TYW1: variants seen among roughly 807,000 people sequenced by gnomAD.
TYW1 encodes S-adenosyl-L-methionine-dependent tRNA 4-demethylwyosine synthase TYW1.
TYW1 carries 46 observed loss-of-function variants against 96.2 expected under a neutral mutation model. The ratio of observed to expected loss-of-function variants is 0.48; its 90% CI spans 0.38 to 0.61. The LOEUF is 0.61. Ranked by LOEUF, TYW1 falls within the 20% of genes least tolerant of loss-of-function variation. TYW1 has a pLI of 0.00. For synonymous variants in TYW1, 274 were observed against 323.0 expected, an observed-to-expected ratio of 0.85 and a Z score of 1.63; for missense variants, 684 against 909.6, an observed-to-expected ratio of 0.75 and a Z score of 3.19.
chr7:67,196,886 C>G (rs894683057), intron 15 of TYW1, among the ~76,000 whole-genome samples: 4 of 151,998 alleles, frequency 2.6e-5, no homozygotes, highest in African/African-American at 9.7e-5. Flanking sequence ...TTCTGGACAC[C>G]AGGGTGTGCA....
chr7:67,086,440 A>G (rs923625211), intron 11 of TYW1, among the ~76,000 whole-genome samples: 6 of 152,052 alleles, frequency 3.9e-5, no homozygotes, highest in South Asian at 2.1e-4. Context: ...GTGTATGTGT[A>G]TGTGTATGTG....
chr7:67,018,977 A>AAAAC lies in TYW1; in HGVS notation c.861+837_861+838insCAAA, dbSNP rs1562968200. ...TCTCAAAAAAAAAAAAAAAAAAGAA[A>AAAAC]AAAACAAAATACTGGGCCTCCCAAA... On this transcript the variant is annotated intron_variant, in intron 6 of 15. Transcript: ENST00000359626. 6.0e-4 allele frequency among the ~76,000 whole-genome samples: 60 copies of AAAAC among 100,460 alleles called. 1 individual carries two copies. The highest frequency in any genetic ancestry group is 1.6e-3 in the East Asian group (7 of 4,264). 65.9% of individuals were successfully genotyped at this position (100,460 alleles called of 152,430 possible).
chr7:67,149,273 A>G (rs753371054), intron 13 of TYW1, among the ~76,000 whole-genome samples: 1 of 152,248 alleles, frequency 6.6e-6, no homozygotes, highest in Non-Finnish European at 1.5e-5. Context: ...TGCTCATTCA[A>G]ACTAGAAAGA....
chr7:67,092,265 C>T (rs1796745317), intron 11 of TYW1, among the ~76,000 whole-genome samples: 1 of 152,036 alleles, frequency 6.6e-6, no homozygotes, highest in Non-Finnish European at 1.5e-5. Flanking sequence ...AGTGTCACCA[C>T]CTTGGTCCAA....
chr7:67,218,155 G>A (rs1046185832), intron 15 of TYW1, among the ~76,000 whole-genome samples: 40 of 151,918 alleles, frequency 2.6e-4, no homozygotes, highest in Middle Eastern at 3.4e-3. Context: ...CACCATGCCC[G>A]GCCAGTGTTG....
At chr7:67,004,749 G>T (rs1028252655) in intron 3 of TYW1, among the ~76,000 whole-genome samples, 1 of 151,788 alleles carries the variant, frequency 6.6e-6, no homozygotes, top group Non-Finnish European at 1.5e-5. Context: ...GAAATTCTTG[G>T]TTGAAATTTC....
At chr7:67,011,263 C>T (rs761543637) in intron 4 of TYW1, among the ~76,000 whole-genome samples, 2 of 152,214 alleles carry the variant, frequency 1.3e-5, no homozygotes, top group Non-Finnish European at 2.9e-5. Context: ...GTGTTGAACT[C>T]CTGACATCAG....
chr7:67,059,136 G>A lies in TYW1; in HGVS notation c.1155+3249G>A, dbSNP rs1280167510. 4.5e-5 allele frequency among the ~76,000 whole-genome samples: 6 copies of A among 133,732 alleles called. No individual in the cohort carries two copies. In the East Asian group the frequency reaches 1.4e-3, roughly 30 times the overall value. 87.7% of individuals were successfully genotyped at this position (133,732 alleles called of 152,430 possible). Reference sequence around the variant, plus strand: ...TTTTTTTGAGACAGGGTCTCGCTCTGTCACCCAGGCTGGAGTGCAGTGGTG... The same window carrying A: ...TTTTTTTGAGACAGGGTCTCGCTCTATCACCCAGGCTGGAGTGCAGTGGTG... On this transcript the variant is annotated intron_variant, in intron 9 of 15. Coordinates refer to ENST00000359626, the MANE Select transcript of TYW1 (RefSeq NM_018264.4).
intron 15 of TYW1, among the ~76,000 whole-genome samples, chr7:67,230,473 AG>A (rs1367620008): frequency 6.6e-6 from 1 of 151,774 alleles, no homozygotes; most frequent in African/African-American, 2.4e-5. Flanking sequence ...AAAACAAAAA[AG>A]CAGCAGTTCC....
chr7:67,111,536 T>G (rs970795814), intron 12 of TYW1, among the ~76,000 whole-genome samples: 6 of 152,034 alleles, frequency 3.9e-5, no homozygotes, highest in Non-Finnish European at 8.8e-5. Flanking sequence ...AGTATGAAAA[T>G]GATGACTCAT....
chr7:67,024,423 TCA>T (rs1458861237), intron 6 of TYW1, among the ~76,000 whole-genome samples: 1 of 152,138 alleles, frequency 6.6e-6, no homozygotes, highest in Non-Finnish European at 1.5e-5. Flanking sequence ...CATCTTGGCC[TCA>T]CAGAGTGCTG....
intron 13 of TYW1, among the ~76,000 whole-genome samples, chr7:67,122,245 C>A (rs1797781582): frequency 6.6e-6 from 1 of 152,108 alleles, no homozygotes; most frequent in African/African-American, 2.4e-5. Context: ...TTAACAATGA[C>A]CATTGGCCCT....
intron 13 of TYW1, among the ~76,000 whole-genome samples, chr7:67,132,998 A>G (rs2116064265): frequency 6.6e-6 from 1 of 152,326 alleles, no homozygotes; most frequent in South Asian, 2.1e-4. Flanking sequence ...TTGCTGGATC[A>G]TAGGATATGT....
intron 3 of TYW1, among the ~76,000 whole-genome samples, chr7:67,005,041 C>T (rs1411831536): frequency 6.6e-6 from 1 of 152,080 alleles, no homozygotes. Context: ...CAGATGTGAG[C>T]CACCATGCCC....
chr7:67,182,290 C>T (rs1799865243), intron 13 of TYW1, among the ~76,000 whole-genome samples: 2 of 152,180 alleles, frequency 1.3e-5, no homozygotes, highest in South Asian at 4.1e-4. Flanking sequence ...TAGCTTGGCT[C>T]AGTGGTGTGT....
chr7:67,107,757 G>A (rs1797285792), intron 12 of TYW1, among the ~76,000 whole-genome samples: 1 of 151,452 alleles, frequency 6.6e-6, no homozygotes, highest in Admixed American at 6.6e-5. Flanking sequence ...TCAGAGACAG[G>A]GTCCCATTAT....
At chr7:67,223,115 G>T (rs1349945341) in intron 15 of TYW1, among the ~76,000 whole-genome samples, 2 of 151,920 alleles carry the variant, frequency 1.3e-5, no homozygotes, top group African/African-American at 4.8e-5. Context: ...GTAGTTTTTA[G>T]AGCATCTTTA....
chr7:67,127,189 C>T (rs1797936447), intron 13 of TYW1, among the ~76,000 whole-genome samples: 3 of 147,716 alleles, frequency 2.0e-5, no homozygotes, highest in African/African-American at 7.5e-5. Flanking sequence ...GATCGAGTCT[C>T]ACTCTGTCAT....
At chr7:67,100,757 G>C (rs1797059112) in intron 12 of TYW1, among the ~76,000 whole-genome samples, 2 of 151,542 alleles carry the variant, frequency 1.3e-5, no homozygotes, top group African/African-American at 2.4e-5. Context: ...CCAGCTAGTC[G>C]GGAGGCTGAG....
Sources: gnomAD v4.1 joint callset for allele counts (sites outside exome capture counted in the v4.1 genomes callset) on GRCh38, gnomAD v4.1.1 for gene constraint, MANE v1.5 for transcripts, NCBI Gene and HGNC (gene_info 2026-07-23, HGNC 2026-07-21) for gene names.